The following SLC38A7 variants were observed in gnomAD, a reference collection of about 807,000 sequenced individuals.
SLC38A7 encodes sodium-coupled neutral amino acid transporter 7.
SLC38A7 carries 29 observed loss-of-function variants against 50.1 expected under a neutral mutation model. That is an observed-to-expected ratio of 0.58 (90% CI 0.43 to 0.79). The LOEUF is 0.79. SLC38A7 is among the 30% of genes least tolerant of loss of function. SLC38A7 has a pLI of 0.00. For missense variants in SLC38A7, 483 were observed against 610.6 expected (o/e 0.79, Z 2.20); for synonymous variants, 244 against 245.9 (o/e 0.99, Z 0.07).
intron 2 of SLC38A7, 72 bp from the exon 3 acceptor site, chr16:58,680,313 C>T (rs2044363431): frequency 1.6e-6 from 1 of 606,928 alleles, no homozygotes; most frequent in Non-Finnish European, 2.5e-6. Context: ...GGTGTAATAA[C>T]TTTCCCAAGA....
chr16:58,678,613 G>C lies in SLC38A7; in HGVS notation c.469+83C>G. ...GCTGGGCCCAGGTAAGTCCTGGAGAGGTGTTCAGTGCCTTTTCCCTCCACC... is the reference window on the plus strand; with the variant it reads ...GCTGGGCCCAGGTAAGTCCTGGAGACGTGTTCAGTGCCTTTTCCCTCCACC... On this transcript the variant is annotated intron_variant, in intron 4 of 11. Transcript: ENST00000219320. The surrounding 1 kb of genome is among the most constrained non-coding windows in gnomAD (Gnocchi z 4.0). 1 of 1,576,310 alleles carries C rather than the reference G, an allele frequency of 6.3e-7. No individual in the cohort carries two copies. The highest frequency in any genetic ancestry group is 8.7e-7 in the Non-Finnish European group (1 of 1,153,968).
rs547379673 is a variant in SLC38A7 at position 58,678,919 on chromosome 16, CT to C, written c.271-26del. ...CCTGCAGGCAGAGGCAGAACAAGAG[CT>C]TGTGGCAAAGGCCTGGCAGCAGAGG... On this transcript the variant is annotated intron_variant, in intron 3 of 11. Transcript: ENST00000219320. The surrounding 1 kb of genome is among the most constrained non-coding windows in gnomAD (Gnocchi z 4.0). 310 of 1,606,858 alleles carry C rather than the reference CT, an allele frequency of 1.9e-4. No homozygotes were observed. The African/African-American group carries it at 3.3e-3, about 17-fold the overall frequency.
In SLC38A7 at chr16:58,675,967, TGAC is replaced by T; in HGVS notation, c.853_855del (p.Val285del). The T allele has an allele frequency of 6.2e-7, 1 of 1,613,376 alleles. No individual in the cohort carries two copies. The highest frequency in any genetic ancestry group is 8.5e-7 in the Non-Finnish European group (1 of 1,179,742). The stretch of plus-strand genomic sequence containing the variant: ...GTCCCCATGTAGACAGCGAGGGCTA[TGAC>T]CATGGCAGCTGTCACCACTCCACCC... On this transcript the variant is annotated inframe_deletion, in exon 8 of 12. Coordinates refer to ENST00000219320, the MANE Select transcript of SLC38A7 (RefSeq NM_018231.3).
intron 2 of SLC38A7, among the ~76,000 whole-genome samples, chr16:58,681,186 C>G (rs1463052553): frequency 6.6e-6 from 1 of 152,190 alleles, no homozygotes; most frequent in Non-Finnish European, 1.5e-5. Flanking sequence ...GTAGACATGA[C>G]AGTCACCATT....
intron 2 of SLC38A7, among the ~76,000 whole-genome samples, chr16:58,682,466 T>G (rs1418889252): frequency 6.6e-6 from 1 of 152,122 alleles, no homozygotes; most frequent in Non-Finnish European, 1.5e-5. Flanking sequence ...TGGTTTAGTC[T>G]TTATTTATTT....
intron 3 of SLC38A7, chr16:58,679,610 T>A: frequency 1.8e-6 from 1 of 555,146 alleles, no homozygotes; most frequent in Non-Finnish European, 3.2e-6. Context: ...TACCACAAAA[T>A]CAATGTTACA....
intron 8 of SLC38A7, 106 bp from the exon 9 acceptor site, chr16:58,672,349 T>A: frequency 8.0e-7 from 1 of 1,245,366 alleles, no homozygotes; most frequent in Non-Finnish European, 1.1e-6. Context: ...GCAGCAGCTC[T>A]GGACACTTAG....
At position 58,678,086 on chromosome 16, in the gene SLC38A7, A is replaced by T. The variant is rs74928899; in HGVS notation, c.611+247T>A. ...TCCTTCTTTGACAAGGGCACTTAGA[A>T]CTGAACTACTCATGGATGCAAAAGG... On this transcript the variant is annotated intron_variant, in intron 5 of 11. Transcript: ENST00000219320. This position sits in a 1 kb window ranked among gnomAD's most constrained non-coding sequence, Gnocchi z 4.0. 3.0e-4 allele frequency among the ~76,000 whole-genome samples: 46 copies of T among 152,250 alleles called. No homozygotes were observed. The highest frequency in any genetic ancestry group is 1.1e-3 in the African/African-American group (44 of 41,548).
intron 2 of SLC38A7, chr16:58,681,875 G>A (rs1217028985): frequency 1.3e-5 from 2 of 152,164 alleles, no homozygotes; most frequent in African/African-American, 4.8e-5. Context: ...CCAGAGCCTG[G>A]GCCGGGTGTG....
Position 58,678,540 on chromosome 16 carries a change from T to G in SLC38A7, c.470-66A>C. The G allele has an allele frequency of 1.9e-6, 3 of 1,551,322 alleles. No individual in the cohort carries two copies. Among genetic ancestry groups the G allele is most frequent in the Non-Finnish European group, 8.7e-7 (1 of 1,144,820 alleles). ...ATGGGGTGTGGCCCTCCTGCTCTGC[T>G]GGGCCCCAGGACCTCCCTCTGCCTG... On this transcript the variant is annotated intron_variant, in intron 4 of 11. Transcript: ENST00000219320. This position sits in a 1 kb window ranked among gnomAD's most constrained non-coding sequence, Gnocchi z 4.0.
In SLC38A7 at chr16:58,677,438, G is replaced by A. The variant is rs75896519; in HGVS notation, c.612-14C>T. On this transcript the variant is annotated splice_polypyrimidine_tract_variant and intron_variant, in intron 5 of 11. Transcript: ENST00000219320. ...ACGCTCAGGAAGCTGCCGGGAAGGA[G>A]AGACTAAGTGTCCTCATCCCCAGCT... 0.013 allele frequency: 20,610 copies of A among 1,612,280 alleles called. 1,964 individuals carry two copies. The African/African-American group carries it at 0.22, about 17-fold the overall frequency.
chr16:58,671,017 T>C (rs1451447229), intron 10 of SLC38A7, 28 bp downstream of exon 10: 8 of 1,560,540 alleles, frequency 5.1e-6, no homozygotes, highest in African/African-American at 1.4e-5. Flanking sequence ...GCTGTGGGGC[T>C]GTGAGATGGG....
At chr16:58,675,271 C>T (rs2044241567) in intron 8 of SLC38A7, 1 of 405,630 alleles carries the variant, frequency 2.5e-6, no homozygotes, top group Non-Finnish European at 4.8e-6. Flanking sequence ...CTTTGGGAGG[C>T]CGAGGCAGGA....
intron 9 of SLC38A7, chr16:58,671,876 G>A (rs112001465): frequency 1.1e-5 from 5 of 454,796 alleles, no homozygotes; most frequent in African/African-American, 6.0e-5. Context: ...GCCATGGATA[G>A]AGATTCTTAC....
chr16:58,670,005 A>T, intron 11 of SLC38A7, 108 bp downstream of exon 11: 1 of 933,814 alleles, frequency 1.1e-6, no homozygotes, highest in Non-Finnish European at 1.6e-6. Flanking sequence ...AAAACCCATG[A>T]TTTCTAAGTA....
intron 2 of SLC38A7, among the ~76,000 whole-genome samples, chr16:58,683,057 G>A (rs1193903199): frequency 1.3e-5 from 2 of 151,274 alleles, no homozygotes; most frequent in African/African-American, 4.9e-5. Context: ...TAAATTTTCT[G>A]TAGAGATGAG....
intron 8 of SLC38A7, among the ~76,000 whole-genome samples, chr16:58,673,887 G>A (rs954594342): frequency 1.2e-4 from 18 of 151,226 alleles, no homozygotes; most frequent in Middle Eastern, 3.4e-3. Flanking sequence ...GTGCAGCGGC[G>A]CGATCTTGGC....
chr16:58,676,745 A>G (rs7196449), intron 6 of SLC38A7, among the ~76,000 whole-genome samples: 19,200 of 151,954 alleles, frequency 0.13, 4,091 homozygotes, highest in African/African-American at 0.44. Context: ...TCTGCCTCCC[A>G]GGTTCACGCC....
rs1271723221 is a variant in SLC38A7, at chr16:58,678,594, C to T, written c.469+102G>A. ...GGAGGATTCCCAGATGAATGCTGGG[C>T]CCAGGTAAGTCCTGGAGAGGTGTTC... On this transcript the variant is annotated intron_variant, in intron 4 of 11. Coordinates refer to ENST00000219320, the MANE Select transcript of SLC38A7 (RefSeq NM_018231.3). This position sits in a 1 kb window ranked among gnomAD's most constrained non-coding sequence, Gnocchi z 4.0. 1 of 1,558,098 alleles carries T rather than the reference C, an allele frequency of 6.4e-7. No individual in the cohort carries two copies. Among genetic ancestry groups the T allele is most frequent in the South Asian group, 1.2e-5 (1 of 86,718 alleles).
Sources: gnomAD v4.1 joint callset for allele counts (sites outside exome capture counted in the v4.1 genomes callset) on GRCh38, gnomAD v4.1.1 for gene constraint, Gnocchi (gnomAD v3.1) non-coding constraint, MANE v1.5 for transcripts, NCBI Gene and HGNC (gene_info 2026-07-23, HGNC 2026-07-21) for gene names.